Variants in ZNF438 observed in about 807,000 individuals in gnomAD.
ZNF438 encodes the protein zinc finger protein 438.
Under a neutral mutation model 38.0 loss-of-function variants are expected in ZNF438, and 25 were observed. The observed-to-expected ratio is 0.66, with a 90% CI of 0.48 to 0.92. The LOEUF (loss-of-function observed/expected upper bound fraction) is 0.92. Among genes scored for constraint, ZNF438 ranks in the 40% least tolerant of loss-of-function variants. The pLI is 0.00. For synonymous variants in ZNF438, 372 were observed against 364.1 expected, an observed-to-expected ratio of 1.02 and a Z score of -0.25; for missense variants, 1,007 against 999.6, an observed-to-expected ratio of 1.01 and a Z score of -0.10.
chr10:30,950,640 A>T (rs1287209306), intron 1 of ZNF438, among the ~76,000 whole-genome samples: 1 of 149,912 alleles, frequency 6.7e-6, no homozygotes, highest in Non-Finnish European at 1.5e-5. Flanking sequence ...ATAAACTAGA[A>T]AATCTAGAAG....
intron 1 of ZNF438, among the ~76,000 whole-genome samples, chr10:30,981,979 T>C (rs2052216190): frequency 6.6e-6 from 1 of 151,912 alleles, no homozygotes; most frequent in Non-Finnish European, 1.5e-5. Flanking sequence ...CTAAAAACAA[T>C]ACTTTTAATG....
chr10:30,924,568 T>C (rs1489713217), intron 2 of ZNF438, among the ~76,000 whole-genome samples: 9 of 152,236 alleles, frequency 5.9e-5, no homozygotes, highest in Admixed American at 5.2e-4. Flanking sequence ...AATGGTCAAT[T>C]TCTGTTTATC....
At chr10:30,997,924 G>A (rs987153580) in intron 1 of ZNF438, among the ~76,000 whole-genome samples, 1 of 152,156 alleles carries the variant, frequency 6.6e-6, no homozygotes, top group Admixed American at 6.5e-5. Context: ...CAGAGAGTCT[G>A]ATGATAAGAG....
chr10:30,934,492 A>C (rs1343266029), intron 2 of ZNF438, among the ~76,000 whole-genome samples: 1 of 152,224 alleles, frequency 6.6e-6, no homozygotes, highest in African/African-American at 2.4e-5. Context: ...TCTTGTATAC[A>C]TATATTTGAA....
intron 3 of ZNF438, among the ~76,000 whole-genome samples, chr10:30,901,717 C>T (rs1237513042): frequency 6.8e-6 from 1 of 147,894 alleles, no homozygotes; most frequent in Non-Finnish European, 1.5e-5. Context: ...CCTTCGTGGT[C>T]GCCAAAATGT....
intron 1 of ZNF438, among the ~76,000 whole-genome samples, chr10:30,993,371 C>T (rs2053704000): frequency 6.6e-6 from 1 of 152,212 alleles, no homozygotes; most frequent in African/African-American, 2.4e-5. Context: ...GACTCTGCTC[C>T]CTGCACCCCA....
chr10:30,914,721 C>T lies in ZNF438; in HGVS notation c.-114-5706G>A, dbSNP rs568702738. ...ATTCCAATTTTTTAAAAGGAGGCTT[C>T]CTCCAGTTTCTTCATGTTCTACCTT... is the stretch of plus-strand genomic sequence containing the variant. On this transcript the variant is annotated intron_variant, in intron 2 of 5. Transcript: ENST00000413025. Among the ~76,000 whole-genome samples the T allele has an allele frequency of 2.5e-4, 38 of 152,016 alleles. 1 individual carries two copies. The highest frequency in any genetic ancestry group is 8.9e-4 in the African/African-American group (37 of 41,452).
At chr10:30,897,447 G>A (rs2041484438) in intron 3 of ZNF438, among the ~76,000 whole-genome samples, 1 of 152,156 alleles carries the variant, frequency 6.6e-6, no homozygotes, top group Non-Finnish European at 1.5e-5. Flanking sequence ...GCTGACAAAA[G>A]ATCCAGTGCT....
exon 6 of ZNF438, chr10:30,845,530 C>T (rs1009939609): frequency 2.5e-6 from 4 of 1,613,698 alleles, no homozygotes; most frequent in African/African-American, 2.7e-5. Flanking sequence ...ACTTCGTCTG[C>T]CTGGTTTAGA....
intron 1 of ZNF438, among the ~76,000 whole-genome samples, chr10:31,012,799 A>G (rs1040933838): frequency 1.1e-4 from 17 of 152,192 alleles, no homozygotes; most frequent in African/African-American, 4.1e-4. Flanking sequence ...TCTCCCAGAA[A>G]GAGGGACCCT....
At chr10:30,966,466 C>G (rs2050128339) in intron 1 of ZNF438, among the ~76,000 whole-genome samples, 2 of 151,952 alleles carry the variant, frequency 1.3e-5, no homozygotes, top group Non-Finnish European at 2.9e-5. Context: ...ATCAGGGGCT[C>G]AAGACCATCC....
At chr10:30,971,225 T>C (rs112676087) in intron 1 of ZNF438, among the ~76,000 whole-genome samples, 5,333 of 152,282 alleles carry the variant, frequency 0.035, 306 homozygotes, top group African/African-American at 0.12. Flanking sequence ...GGCTAAATTA[T>C]ATGAAAAATG....
exon 5 of ZNF438, chr10:30,849,519 G>A (rs779706366): frequency 6.2e-7 from 1 of 1,614,230 alleles, no homozygotes; most frequent in African/African-American, 1.3e-5. Flanking sequence ...CTTGAGTAGG[G>A]TGGGATTGGC....
At chr10:31,001,462 A>T (rs1387965701) in intron 1 of ZNF438, among the ~76,000 whole-genome samples, 1 of 152,204 alleles carries the variant, frequency 6.6e-6, no homozygotes, top group Non-Finnish European at 1.5e-5. Flanking sequence ...TCAATCAGAT[A>T]ATTGGACAGG....
intron 2 of ZNF438, among the ~76,000 whole-genome samples, chr10:30,911,754 A>G (rs148491236): frequency 6.6e-6 from 1 of 152,158 alleles, no homozygotes; most frequent in Non-Finnish European, 1.5e-5. Flanking sequence ...TCTCCTCTTC[A>G]TGCTCTCTCT....
chr10:30,948,296 G>A (rs1268156737), intron 1 of ZNF438, among the ~76,000 whole-genome samples: 94 of 152,158 alleles, frequency 6.2e-4, no homozygotes, highest in Non-Finnish European at 1.6e-4. Flanking sequence ...CACAAAGATG[G>A]GGAAAAAACA....
chr10:31,000,477 A>T (rs1026311438), intron 1 of ZNF438, among the ~76,000 whole-genome samples: 1 of 152,108 alleles, frequency 6.6e-6, no homozygotes, highest in African/African-American at 2.4e-5. Flanking sequence ...ACCCCCACAA[A>T]ACTCTGATAC....
intron 3 of ZNF438, among the ~76,000 whole-genome samples, chr10:30,889,513 C>T (rs1298507945): frequency 6.6e-6 from 1 of 152,166 alleles, no homozygotes; most frequent in East Asian, 1.9e-4. Flanking sequence ...TCAAGTGATT[C>T]TCCTGTCTCA....
chr10:30,934,895 C>A (rs183821889), intron 2 of ZNF438, among the ~76,000 whole-genome samples: 6 of 152,328 alleles, frequency 3.9e-5, no homozygotes, highest in African/African-American at 1.2e-4. Flanking sequence ...CACAGTGAGA[C>A]AGCTTGGAAT....
Sources: gnomAD v4.1 joint callset for allele counts (sites outside exome capture counted in the v4.1 genomes callset) on GRCh38, gnomAD v4.1.1 for gene constraint, MANE v1.5 for transcripts, NCBI Gene and HGNC (gene_info 2026-07-23, HGNC 2026-07-21) for gene names.